The following USP34 variants were observed in gnomAD, a reference collection of about 807,000 sequenced individuals.
USP34 encodes ubiquitin specific peptidase 34.
Under a neutral mutation model 460.3 loss-of-function variants are expected in USP34, and 70 were observed. The ratio of observed to expected loss-of-function variants is 0.15; its 90% CI spans 0.13 to 0.19. The LOEUF (loss-of-function observed/expected upper bound fraction) is 0.19. Among genes scored for constraint, USP34 ranks in the 10% least tolerant of loss-of-function variants. USP34 has a pLI of 1.00. For missense variants in USP34, 3,985 were observed against 4,236.2 expected, an observed-to-expected ratio of 0.94 and a Z score of 1.65; for synonymous variants, 1,647 against 1,405.3, an observed-to-expected ratio of 1.17 and a Z score of -3.85.
chr2:61,230,217 C>T (rs1687852023), intron 58 of USP34, among the ~76,000 whole-genome samples: 2 of 152,122 alleles, frequency 1.3e-5, no homozygotes, highest in African/African-American at 4.8e-5. Context: ...GAATGTCAAA[C>T]ACTGCAGTCA....
rs1371736444 is a variant in USP34, at chr2:61,214,615, G to C, written c.8127C>G (p.Ile2709Met). 6.2e-7 allele frequency: 1 copy of C among 1,614,074 alleles called. No individual in the cohort carries two copies. Among genetic ancestry groups the C allele is most frequent in the Non-Finnish European group, 8.5e-7 (1 of 1,180,040 alleles). ...QMFRSTRSLH[I>M]PTRDLPLSPD... The stretch of plus-strand genomic sequence containing the variant: ...GACTGAGTGGAAGGTCACGGGTTGG[G>C]ATGTGCAAAGACCTTGTTGACCGGA... The change falls in exon 68 of 80, where the codon ATC (isoleucine) becomes ATG (methionine). Residue 2709 changes from isoleucine to methionine, a missense_variant. Coordinates refer to ENST00000398571, the MANE Select transcript of USP34 (RefSeq NM_014709.4).
chr2:61,255,766 C>CA (rs1688708431), intron 48 of USP34, among the ~76,000 whole-genome samples: 1 of 152,140 alleles, frequency 6.6e-6, no homozygotes, highest in South Asian at 2.1e-4. Flanking sequence ...TCCCTTTGTC[C>CA]AGCTTATCTG....
Position 61,429,984 on chromosome 2 carries a change from C to T in USP34, c.44-9151G>A, listed in dbSNP as rs561940328. Among the ~76,000 whole-genome samples, 15 of 152,166 alleles carry T rather than the reference C, an allele frequency of 9.9e-5. No homozygotes were observed. In the South Asian group the frequency reaches 2.1e-3, roughly 21 times the overall value. On this transcript the variant is annotated intron_variant, in intron 1 of 79. Transcript: ENST00000398571. ...ATCCCAGCACTTTGGGAGGCCGAGGCGGGTGGATCACGAGGTCAGGAGATC... is the reference window on the plus strand; with the variant it reads ...ATCCCAGCACTTTGGGAGGCCGAGGTGGGTGGATCACGAGGTCAGGAGATC...
At chr2:61,201,232 T>C (rs1032295316) in intron 75 of USP34, among the ~76,000 whole-genome samples, 1 of 149,172 alleles carries the variant, frequency 6.7e-6, no homozygotes, top group African/African-American at 2.5e-5. Context: ...TTTTTTTTTT[T>C]TTGAGACTGG....
chr2:61,387,879 A>G (rs1284859553), intron 5 of USP34, among the ~76,000 whole-genome samples: 1 of 150,208 alleles, frequency 6.7e-6, no homozygotes. Context: ...ACGTATACGC[A>G]TATGTAAAAA....
chr2:61,262,749 A>C (rs1184771824), intron 43 of USP34, among the ~76,000 whole-genome samples: 1 of 152,214 alleles, frequency 6.6e-6, no homozygotes, highest in Non-Finnish European at 1.5e-5. Context: ...GTTCTTTCAG[A>C]AATTGCCAAG....
At chr2:61,470,052 A>G (rs533494204) in intron 1 of USP34, among the ~76,000 whole-genome samples, 2 of 152,368 alleles carry the variant, frequency 1.3e-5, no homozygotes, top group South Asian at 2.1e-4. Flanking sequence ...CATCATTAAC[A>G]AATTTATTTT....
chr2:61,319,979 G>A (rs1690866397), intron 21 of USP34, among the ~76,000 whole-genome samples: 1 of 152,132 alleles, frequency 6.6e-6, no homozygotes, highest in Admixed American at 6.5e-5. Context: ...TATTTATCCA[G>A]TTTTTGGCGA....
At chr2:61,300,703 G>A (rs1401175977) in intron 29 of USP34, among the ~76,000 whole-genome samples, 1 of 151,418 alleles carries the variant, frequency 6.6e-6, no homozygotes, top group East Asian at 2.0e-4. Context: ...GGCTGAGGCA[G>A]GAGAATGGCA....
chr2:61,470,715 T>TC lies in USP34; in HGVS notation c.-24dup. The stretch of plus-strand genomic sequence containing the variant: ...CATCGTTCGGCCGCCGCCCCCCCCC[T>TC]CCCCCGCTTCGGATCACACTGACTG... On this transcript the variant is annotated 5_prime_UTR_variant, in exon 1 of 80. Transcript: ENST00000398571. The TC allele has an allele frequency of 6.6e-7, 1 of 1,512,874 alleles. No individual in the cohort carries two copies. The highest frequency in any genetic ancestry group is 1.2e-5 in the South Asian group (1 of 86,636). 93.7% of individuals were successfully genotyped at this position (1,512,874 alleles called of 1,614,324 possible).
chr2:61,262,971 A>G (rs1225085414), intron 43 of USP34, among the ~76,000 whole-genome samples: 1 of 151,624 alleles, frequency 6.6e-6, no homozygotes, highest in Non-Finnish European at 1.5e-5. Context: ...TATTGGCCGC[A>G]TGTATGTCTC....
In USP34 at chr2:61,229,477, A is replaced by AAC. The variant is rs1365093350; in HGVS notation, c.7199+70_7199+71insGT. 44 of 674,008 alleles carry AAC rather than the reference A, an allele frequency of 6.5e-5. 1 individual carries two copies. Among genetic ancestry groups the AAC allele is most frequent in the South Asian group, 9.6e-5 (3 of 31,124 alleles). 41.8% of individuals were successfully genotyped at this position (674,008 alleles called of 1,614,324 possible). On this transcript the variant is annotated intron_variant, in intron 59 of 79. Coordinates refer to ENST00000398571, the MANE Select transcript of USP34 (RefSeq NM_014709.4). ...TCTCTTAAAAAAAAAAAAAAAAAAC[A>AAC]AAAAAAAAAAACAAAAACACCACAC...
chr2:61,355,318 AGAT>A (rs1176968944), intron 10 of USP34, among the ~76,000 whole-genome samples: 2 of 152,232 alleles, frequency 1.3e-5, no homozygotes, highest in African/African-American at 2.4e-5. Flanking sequence ...CAATTATTAC[AGAT>A]AATACTGAAA....
intron 29 of USP34, among the ~76,000 whole-genome samples, chr2:61,299,595 T>TA (rs1690156095): frequency 6.6e-6 from 1 of 151,670 alleles, no homozygotes; most frequent in Admixed American, 6.6e-5. Context: ...TACAAAATAT[T>TA]AAAAAATTAG....
At chr2:61,418,016 C>T (rs1558582846) in intron 2 of USP34, among the ~76,000 whole-genome samples, 1 of 151,932 alleles carries the variant, frequency 6.6e-6, no homozygotes, top group South Asian at 2.1e-4. Flanking sequence ...GCTGGGATTA[C>T]AGGCATGAGC....
At position 61,422,601 on chromosome 2, in the gene USP34, C is replaced by A. The variant is rs76792176; in HGVS notation, c.44-1768G>T. 2.8e-3 allele frequency among the ~76,000 whole-genome samples: 431 copies of A among 152,326 alleles called. 2 individuals carry two copies. The highest frequency in any genetic ancestry group is 8.7e-3 in the African/African-American group (361 of 41,570). ...GGTCACTTTCACAATTTCTATTCAA[C>A]ACAGTATTAGAAATTCTAGTCAGAG... On this transcript the variant is annotated intron_variant, in intron 1 of 79. Coordinates refer to ENST00000398571, the MANE Select transcript of USP34 (RefSeq NM_014709.4).
chr2:61,270,258 G>T (rs1286167699), intron 41 of USP34, among the ~76,000 whole-genome samples: 1 of 152,104 alleles, frequency 6.6e-6, no homozygotes, highest in Non-Finnish European at 1.5e-5. Flanking sequence ...TCATCTAAGG[G>T]CTTCATGAGA....
intron 1 of USP34, among the ~76,000 whole-genome samples, chr2:61,433,736 T>C (rs1694739663): frequency 6.6e-6 from 1 of 152,164 alleles, no homozygotes; most frequent in South Asian, 2.1e-4. Flanking sequence ...CTGCCCAAAT[T>C]AGGAGCACAA....
intron 1 of USP34, among the ~76,000 whole-genome samples, chr2:61,467,613 CTTTG>C (rs1435281012): frequency 9.3e-5 from 9 of 96,286 alleles, no homozygotes; most frequent in Admixed American, 3.4e-4. Context: ...AGGACTGTAA[CTTTG>C]TTTTTTTTTT....
Sources: allele counts gnomAD v4.1 joint callset (sites outside exome capture counted in the v4.1 genomes callset), GRCh38; gene constraint gnomAD v4.1.1; transcripts MANE v1.5; gene names NCBI Gene and HGNC (gene_info 2026-07-23, HGNC 2026-07-21).